ZCCHC2: variants seen among roughly 807,000 people sequenced by gnomAD.
ZCCHC2 encodes zinc finger CCHC domain-containing protein 2.
In ZCCHC2, 39 loss-of-function variants were observed where a neutral mutation model predicts 103.6. The ratio of observed to expected loss-of-function variants is 0.38; its 90% CI spans 0.29 to 0.49. ZCCHC2 has a LOEUF of 0.49. Among genes scored for constraint, ZCCHC2 ranks in the 20% least tolerant of loss-of-function variants. The pLI is 0.96. For synonymous variants in ZCCHC2, 687 were observed against 608.9 expected (o/e 1.13, Z -1.89); for missense variants, 1,483 against 1,491.0 (o/e 0.99, Z 0.09).
intron 7 of ZCCHC2, among the ~76,000 whole-genome samples, chr18:62,559,263 C>T (rs1022673162): frequency 2.6e-5 from 4 of 152,144 alleles, no homozygotes; most frequent in African/African-American, 9.7e-5. Flanking sequence ...AAGATATTTA[C>T]AGATAAGACT....
At chr18:62,579,946 G>GTC (rs1291545002), downstream of ZCCHC2, among the ~76,000 whole-genome samples, 3 of 152,044 alleles carry the variant, frequency 2.0e-5, no homozygotes, top group African/African-American at 4.8e-5. Flanking sequence ...GGCCAGGCTG[G>GTC]TCTCGAACTC....
chr18:62,536,409 A>G (rs80337894), intron 1 of ZCCHC2, among the ~76,000 whole-genome samples: 1,832 of 152,296 alleles, frequency 0.012, 41 homozygotes, highest in African/African-American at 0.042. Context: ...TGGTCCTGAC[A>G]CTTTTCTCCA....
Position 62,574,658 on chromosome 18 carries a change from C to T in ZCCHC2, c.2577C>T (p.Gly859=), listed in dbSNP as rs770632834. 1.2e-6 allele frequency: 2 copies of T among 1,614,012 alleles called. No homozygotes were observed. The highest frequency in any genetic ancestry group is 3.3e-5 in the Admixed American group (2 of 60,030). The change falls in exon 13 of 14, where the codon GGC becomes GGT. Residue 859 remains glycine, a synonymous_variant. Coordinates refer to ENST00000269499, the MANE Select transcript of ZCCHC2 (RefSeq NM_017742.6). The stretch of plus-strand genomic sequence containing the variant: ...TCCATAACCCAGGTAGTTTCCCAGG[C>T]TCTCCTGTTGCTACCACGGACCCCA... ...IPIHNPGSFP[G]SPVATTDPIT...
At chr18:62,560,668 A>T in intron 8 of ZCCHC2, 24 bp downstream of exon 8, 1 of 1,592,608 alleles carries the variant, frequency 6.3e-7, no homozygotes, top group Non-Finnish European at 8.6e-7. Flanking sequence ...TTCTAAAACA[A>T]AAAGTGCTTT....
chr18:62,574,826 C>A lies in ZCCHC2; in HGVS notation c.2745C>A (p.Ser915=). The change falls in exon 13 of 14, where the codon TCC becomes TCA. Residue 915 remains serine, a synonymous_variant. Transcript: ENST00000269499. The part of the protein sequence containing the change: ...AGLSAAQPPA[S]YPLPGSPLAA... ...TCTCAGCTGCTCAGCCACCAGCTTCCTACCCCTTACCAGGCTCTCCCCTTG... is the reference window on the plus strand; with the variant it reads ...TCTCAGCTGCTCAGCCACCAGCTTCATACCCCTTACCAGGCTCTCCCCTTG... The A allele has an allele frequency of 6.2e-7, 1 of 1,613,974 alleles. No homozygotes were observed. Among genetic ancestry groups the A allele is most frequent in the East Asian group, 2.2e-5 (1 of 44,878 alleles).
At chr18:62,566,896 C>G (rs1284946132) in intron 11 of ZCCHC2, among the ~76,000 whole-genome samples, 1 of 152,188 alleles carries the variant, frequency 6.6e-6, no homozygotes, top group Non-Finnish European at 1.5e-5. Context: ...AGTTCCTTTT[C>G]CTTGTTCTAA....
chr18:62,578,727 A>C (rs1488507421), downstream of ZCCHC2: 1 of 152,152 alleles, frequency 6.6e-6, no homozygotes, highest in Non-Finnish European at 1.5e-5. Flanking sequence ...GTGAATCCCA[A>C]AGTTATTTAC....
intron 8 of ZCCHC2, among the ~76,000 whole-genome samples, chr18:62,562,145 C>T (rs189457772): frequency 0.01 from 1,567 of 152,052 alleles, 30 homozygotes; most frequent in African/African-American, 0.035. Flanking sequence ...TACAGGCACC[C>T]GCCACCATGC....
chr18:62,525,151 TTTG>T (rs1419026362), intron 1 of ZCCHC2: 1 of 152,208 alleles, frequency 6.6e-6, no homozygotes, highest in African/African-American at 2.4e-5. Context: ...TTCCGGGATA[TTTG>T]TTGAGCGTTT....
At chr18:62,573,835 T>G (rs1328891447) in intron 12 of ZCCHC2, among the ~76,000 whole-genome samples, 1 of 152,244 alleles carries the variant, frequency 6.6e-6, no homozygotes, top group Non-Finnish European at 1.5e-5. Context: ...CCTTTTATGT[T>G]TTGTTTTCTG....
At chr18:62,558,295 C>T (rs749919217) in intron 6 of ZCCHC2, among the ~76,000 whole-genome samples, 2 of 152,118 alleles carry the variant, frequency 1.3e-5, no homozygotes, top group Non-Finnish European at 2.9e-5. Flanking sequence ...TTTGACAGTG[C>T]CACGTTATTT....
At chr18:62,524,398 C>T in intron 1 of ZCCHC2, 35 bp downstream of exon 1, 1 of 1,435,114 alleles carries the variant, frequency 7.0e-7, no homozygotes, top group South Asian at 1.5e-5. Context: ...ACTCGCGGTG[C>T]GATCGCTGCC....
At chr18:62,562,969 A>G in intron 8 of ZCCHC2, 40 bp from the exon 9 acceptor site, 1 of 1,581,342 alleles carries the variant, frequency 6.3e-7, no homozygotes, top group Non-Finnish European at 8.7e-7. Context: ...GTTATTATTG[A>G]GGGCAGATTT....
At chr18:62,548,272 G>A (rs1027431682) in intron 4 of ZCCHC2, among the ~76,000 whole-genome samples, 1 of 151,590 alleles carries the variant, frequency 6.6e-6, no homozygotes, top group Non-Finnish European at 1.5e-5. Flanking sequence ...ATTTTTTTTA[G>A]CAAATGAGTC....
intron 11 of ZCCHC2, among the ~76,000 whole-genome samples, chr18:62,565,925 G>GA (rs986829958): frequency 2.0e-5 from 3 of 151,884 alleles, no homozygotes; most frequent in African/African-American, 4.8e-5. Context: ...TAGTGATGAA[G>GA]AAAAAAAATA....
chr18:62,562,099 C>A (rs548052294), intron 8 of ZCCHC2, among the ~76,000 whole-genome samples: 71 of 152,134 alleles, frequency 4.7e-4, no homozygotes, highest in Non-Finnish European at 8.1e-4. Context: ...TGGGTTCAAG[C>A]GATTCTCCTG....
intron 1 of ZCCHC2, 157 bp downstream of exon 1, chr18:62,524,520 G>A: frequency 8.2e-7 from 1 of 1,217,784 alleles, no homozygotes; most frequent in Non-Finnish European, 1.1e-6. Flanking sequence ...GCTGAGCTTC[G>A]TCTCGCTGGG....
downstream of ZCCHC2, among the ~76,000 whole-genome samples, chr18:62,582,958 G>A (rs1917076062): frequency 6.6e-6 from 1 of 152,090 alleles, no homozygotes; most frequent in African/African-American, 2.4e-5. Context: ...ACAAAAATTA[G>A]CTGGTCCTGG....
chr18:62,540,619 A>C (rs1408259889), intron 2 of ZCCHC2, among the ~76,000 whole-genome samples: 1 of 152,102 alleles, frequency 6.6e-6, no homozygotes, highest in Non-Finnish European at 1.5e-5. Context: ...CTTCAGCTAA[A>C]CTCATTGAAC....
Sources: allele counts gnomAD v4.1 joint callset (sites outside exome capture counted in the v4.1 genomes callset), GRCh38; gene constraint gnomAD v4.1.1; transcripts MANE v1.5; gene names NCBI Gene and HGNC (gene_info 2026-07-23, HGNC 2026-07-21).